GPC6: variants seen among roughly 807,000 people sequenced by gnomAD.
The protein encoded by GPC6 is glypican-6.
In GPC6, 14 loss-of-function variants were observed where a neutral mutation model predicts 55.2. That is an observed-to-expected ratio of 0.25 (90% CI 0.17 to 0.40). GPC6 has a LOEUF of 0.40. GPC6 is among the 10% of genes least tolerant of loss of function. GPC6 has a pLI of 1.00. For synonymous variants in GPC6, 278 were observed against 259.6 expected (o/e 1.07, Z -0.68); for missense variants, 641 against 708.5 (o/e 0.90, Z 1.08).
At chr13:93,897,286 C>G (rs1424572465) in intron 3 of GPC6, among the ~76,000 whole-genome samples, 1 of 151,938 alleles carries the variant, frequency 6.6e-6, no homozygotes, top group Non-Finnish European at 1.5e-5. Context: ...TTAGTATTCA[C>G]TGACTATACA....
intron 3 of GPC6, among the ~76,000 whole-genome samples, chr13:94,015,064 G>A (rs1331984984): frequency 6.6e-6 from 1 of 152,140 alleles, no homozygotes; most frequent in Non-Finnish European, 1.5e-5. Flanking sequence ...AAGTAGAATT[G>A]CTAGATCACA....
At chr13:93,494,945 C>T (rs1346532428) in intron 1 of GPC6, among the ~76,000 whole-genome samples, 1 of 145,162 alleles carries the variant, frequency 6.9e-6, no homozygotes, top group African/African-American at 2.6e-5. Context: ...TTCTCTCTGG[C>T]TGCCCTTAAC....
chr13:93,560,254 T>A (rs890231376), intron 2 of GPC6, among the ~76,000 whole-genome samples: 1 of 150,434 alleles, frequency 6.6e-6, no homozygotes. Context: ...ACTCCTTTAA[T>A]CCCAGCACTT....
chr13:93,592,451 G>A (rs1877536881), intron 2 of GPC6, among the ~76,000 whole-genome samples: 2 of 148,792 alleles, frequency 1.3e-5, no homozygotes, highest in Admixed American at 6.7e-5. Context: ...GGGTTTCACC[G>A]TGTTGGCCAG....
intron 1 of GPC6, among the ~76,000 whole-genome samples, chr13:93,485,376 T>C (rs1879666852): frequency 6.6e-6 from 1 of 152,104 alleles, no homozygotes; most frequent in African/African-American, 2.4e-5. Context: ...TTAGATAGAG[T>C]TGGGAGGATC....
chr13:93,677,966 A>C (rs1594365062), intron 2 of GPC6, among the ~76,000 whole-genome samples: 1 of 152,154 alleles, frequency 6.6e-6, no homozygotes, highest in African/African-American at 2.4e-5. Flanking sequence ...CACATGGATT[A>C]AAAAATTTAA....
intron 4 of GPC6, among the ~76,000 whole-genome samples, chr13:94,272,461 TTC>T (rs1426189227): frequency 2.6e-4 from 30 of 114,720 alleles, no homozygotes; most frequent in South Asian, 2.5e-3. Flanking sequence ...TTCTTTTCTT[TTC>T]TTTTTTTTTT....
At chr13:93,568,827 T>C (rs1204558023) in intron 2 of GPC6, among the ~76,000 whole-genome samples, 1 of 152,234 alleles carries the variant, frequency 6.6e-6, no homozygotes, top group African/African-American at 2.4e-5. Flanking sequence ...AATGATTCTC[T>C]TCATTAACTG....
intron 4 of GPC6, among the ~76,000 whole-genome samples, chr13:94,196,868 AT>A (rs1485195557): frequency 6.6e-5 from 10 of 152,332 alleles, no homozygotes; most frequent in Non-Finnish European, 1.0e-4. Flanking sequence ...AATGCAAAAT[AT>A]TTTTAAAAGA....
At chr13:93,276,489 AGAGAGAGTGTGTGTGTGT>A (rs1316559130) in intron 1 of GPC6, among the ~76,000 whole-genome samples, 43 of 131,408 alleles carry the variant, frequency 3.3e-4, no homozygotes, top group Admixed American at 1.7e-3. Context: ...AGAGAGAGAG[AGAGAGAGTGTGTGTGTGT>A]GTGTGTGTGT....
chr13:93,928,014 G>A (rs1401915010), intron 3 of GPC6, among the ~76,000 whole-genome samples: 2 of 151,808 alleles, frequency 1.3e-5, no homozygotes, highest in East Asian at 3.9e-4. Context: ...TAATAAAATA[G>A]TATGGGCAAT....
At chr13:94,300,124 G>A (rs533174623) in intron 5 of GPC6, among the ~76,000 whole-genome samples, 3 of 152,156 alleles carry the variant, frequency 2.0e-5, no homozygotes, top group South Asian at 2.1e-4. Flanking sequence ...CCCCATTATG[G>A]AAACCTGCTG....
At chr13:94,143,344 G>GT (rs1265093178) in intron 4 of GPC6, among the ~76,000 whole-genome samples, 2 of 152,040 alleles carry the variant, frequency 1.3e-5, no homozygotes, top group Non-Finnish European at 2.9e-5. Flanking sequence ...TTTTATTTCA[G>GT]TTTTAATTCA....
At chr13:93,927,230 A>G (rs1320944027) in intron 3 of GPC6, among the ~76,000 whole-genome samples, 1 of 152,230 alleles carries the variant, frequency 6.6e-6, no homozygotes, top group Non-Finnish European at 1.5e-5. Context: ...ATTGAGTCTC[A>G]TAATAAACAA....
intron 4 of GPC6, among the ~76,000 whole-genome samples, chr13:94,172,903 A>G (rs536780894): frequency 6.6e-6 from 1 of 152,314 alleles, no homozygotes; most frequent in South Asian, 2.1e-4. Flanking sequence ...TTCCTGGGCA[A>G]TGGTCTGATA....
At chr13:93,568,974 A>T (rs968180445) in intron 2 of GPC6, among the ~76,000 whole-genome samples, 9 of 152,152 alleles carry the variant, frequency 5.9e-5, no homozygotes, top group Admixed American at 5.2e-4. Context: ...TAGGGAAAGG[A>T]ACTTGTATCA....
intron 1 of GPC6, among the ~76,000 whole-genome samples, chr13:93,373,817 TAAAGA>T (rs1874774278): frequency 6.6e-6 from 1 of 152,196 alleles, no homozygotes; most frequent in African/African-American, 2.4e-5. Flanking sequence ...TGATGTTAAA[TAAAGA>T]AATCATTTTG....
At chr13:93,866,720 G>C (rs1021012004) in intron 3 of GPC6, among the ~76,000 whole-genome samples, 99 of 151,790 alleles carry the variant, frequency 6.5e-4, no homozygotes, top group African/African-American at 2.3e-3. Context: ...GACTTTTGGA[G>C]TGTGAAGAGT....
At chr13:93,362,544 A>G (rs1881077952) in intron 1 of GPC6, among the ~76,000 whole-genome samples, 1 of 152,160 alleles carries the variant, frequency 6.6e-6, no homozygotes, top group Admixed American at 6.5e-5. Context: ...GACTTTTACT[A>G]AAAAACATAA....
Sources: gnomAD v4.1 joint callset for allele counts (sites outside exome capture counted in the v4.1 genomes callset) on GRCh38, gnomAD v4.1.1 for gene constraint, MANE v1.5 for transcripts, NCBI Gene and HGNC (gene_info 2026-07-23, HGNC 2026-07-21) for gene names.